The following CORO7 variants were observed in gnomAD, a reference collection of about 807,000 sequenced individuals.
CORO7 encodes coronin-7.
In CORO7, 107 loss-of-function variants were observed where a neutral mutation model predicts 126.6. The ratio of observed to expected loss-of-function variants is 0.85; its 90% confidence interval spans 0.72 to 0.99. CORO7 has a LOEUF of 0.99. CORO7 is among the 50% of genes least tolerant of loss of function. The pLI, the probability that CORO7 is intolerant of heterozygous loss-of-function variation, is 0.00. For synonymous variants in CORO7, 603 were observed against 536.8 expected, an observed-to-expected ratio of 1.12 and a Z score of -1.70; for missense variants, 1,314 against 1,255.8, an observed-to-expected ratio of 1.05 and a Z score of -0.70.
chr16:4,381,047 T>C, intron 9 of CORO7: 2 of 1,610,630 alleles, frequency 1.2e-6, no homozygotes, highest in Non-Finnish European at 1.7e-6. Context: ...ACGGTGGGGC[T>C]GTACGTCTTT....
intron 19 of CORO7, 85 bp from the exon 20 acceptor site, chr16:4,360,633 T>G: frequency 6.7e-7 from 1 of 1,486,544 alleles, no homozygotes; most frequent in Non-Finnish European, 9.0e-7. Flanking sequence ...TCCTCACTGC[T>G]GGCGCCGCCC....
intron 3 of CORO7, among the ~76,000 whole-genome samples, chr16:4,410,620 G>A (rs1322952113): frequency 1.3e-5 from 2 of 152,198 alleles, no homozygotes; most frequent in African/African-American, 4.8e-5. Context: ...CCACACACAT[G>A]TATCTCTAAA....
Position 4,357,009 on chromosome 16 carries a change from G to C in CORO7, c.2685+159C>G, listed in dbSNP as rs945489464. The C allele has an allele frequency of 3.9e-6, 4 of 1,015,240 alleles. No homozygotes were observed. The African/African-American group carries it at 6.4e-5, about 16-fold the overall frequency. 62.9% of individuals were successfully genotyped at this position (1,015,240 alleles called of 1,614,324 possible). A position where few individuals can be genotyped will look rare whatever the true frequency, so the allele number is the denominator to read the frequency against. On this transcript the variant is annotated intron_variant, in intron 26 of 27. Coordinates refer to ENST00000251166, the MANE Select transcript of CORO7 (RefSeq NM_024535.5). ...CACTTCCCGGGCCCCATGGTCAGTG[G>C]TAGGGCTCTGGAAGGTCTCCCCACC...
intron 3 of CORO7, among the ~76,000 whole-genome samples, chr16:4,410,635 C>T (rs2056169572): frequency 6.6e-6 from 1 of 152,206 alleles, no homozygotes; most frequent in East Asian, 1.9e-4. Flanking sequence ...TCTAAAACAA[C>T]ATGCTACGTG....
chr16:4,368,067 C>T (rs9940299), intron 9 of CORO7, among the ~76,000 whole-genome samples: 1,840 of 152,144 alleles, frequency 0.012, 37 homozygotes, highest in African/African-American at 0.042. Context: ...AAAAAATTAG[C>T]GAGGTATGCT....
chr16:4,357,342 CTTTTCTTTCTTTCTT>C lies in CORO7; in HGVS notation c.2594-98_2594-84del. 7 of 967,862 alleles carry C rather than the reference CTTTTCTTTCTTTCTT, an allele frequency of 7.2e-6. No individual in the cohort carries two copies. The South Asian group carries it at 1.3e-4, about 18-fold the overall frequency. 60.0% of individuals were successfully genotyped at this position (967,862 alleles called of 1,614,324 possible). On this transcript the variant is annotated intron_variant, in intron 25 of 27. Transcript: ENST00000251166. ...CAAGCCCTCGGGGATTTCTTTCTTT[CTTTTCTTTCTTTCTT>C]TTTTTTTTTTTTTTTTTGAGATGGA...
rs950984350 is a variant in CORO7, at chr16:4,394,789, T to C, written c.615+500A>G. 2.6e-5 allele frequency among the ~76,000 whole-genome samples: 4 copies of C among 152,342 alleles called. No homozygotes were observed. In the South Asian group the frequency reaches 6.2e-4, roughly 24 times the overall value. ...TCCCAGTGGCTGGATGCCTGCAGCA[T>C]GAGCCAGGTCCCAGCTTCCCCGCTT... On this transcript the variant is annotated intron_variant, in intron 7 of 27. Coordinates refer to ENST00000251166, the MANE Select transcript of CORO7 (RefSeq NM_024535.5).
At chr16:4,371,234 C>T (rs1385588661) in intron 9 of CORO7, among the ~76,000 whole-genome samples, 1 of 152,204 alleles carries the variant, frequency 6.6e-6, no homozygotes, top group East Asian at 1.9e-4. Context: ...CAGGGCTGCT[C>T]ACAACTCTTA....
chr16:4,388,155 G>A, intron 8 of CORO7, 87 bp from the exon 9 acceptor site: 2 of 1,514,892 alleles, frequency 1.3e-6, no homozygotes, highest in Non-Finnish European at 1.8e-6. Context: ...GCCTGAGGGT[G>A]CAGCCTGACA....
chr16:4,355,017 G>T lies in CORO7; in HGVS notation c.*141C>A, dbSNP rs118010193. On this transcript the variant is annotated 3_prime_UTR_variant, in exon 28 of 28. Coordinates refer to ENST00000251166, the MANE Select transcript of CORO7 (RefSeq NM_024535.5). ...GGGAACTGCCAGAGGCCCAGAGGAT[G>T]TGGAAGTGCCCACGGGAAGGCAGGA... The T allele has an allele frequency of 1.1e-6, 1 of 905,586 alleles. No homozygotes were observed. The highest frequency in any genetic ancestry group is 2.8e-5 in the East Asian group (1 of 35,682). The allele number at this position is 905,586 out of a possible 1,614,324, so 56.1% of individuals were successfully genotyped here.
chr16:4,360,908 C>T (rs764215935), intron 19 of CORO7, 35 bp downstream of exon 19: 3 of 1,504,878 alleles, frequency 2.0e-6, no homozygotes, highest in Middle Eastern at 2.0e-4. Context: ...CCCCGCCTCT[C>T]CACACTGCTG....
chr16:4,362,972 C>T lies in CORO7; in HGVS notation c.1276-234G>A, dbSNP rs761121842. 242 of 408,538 alleles carry T rather than the reference C, an allele frequency of 5.9e-4. No individual in the cohort carries two copies. The highest frequency in any genetic ancestry group is 3.4e-4 in the Non-Finnish European group (80 of 236,680). 25.3% of individuals were successfully genotyped at this position (408,538 alleles called of 1,614,324 possible). ...TGGCAGCTGCTGGCTCCCAGCCCTG[C>T]AGGAGGGTGTGCCCAGTGGGTTAGA... On this transcript the variant is annotated intron_variant, in intron 14 of 27. Coordinates refer to ENST00000251166, the MANE Select transcript of CORO7 (RefSeq NM_024535.5). The surrounding 1 kb of genome is among the most constrained non-coding windows in gnomAD (Gnocchi z 5.3).
intron 9 of CORO7, among the ~76,000 whole-genome samples, chr16:4,368,747 CAAA>C (rs1283259505): frequency 5.3e-5 from 3 of 56,648 alleles, no homozygotes; most frequent in African/African-American, 1.3e-4. Context: ...GACTCCATCT[CAAA>C]AAAAAAAAAA....
intron 25 of CORO7, 31 bp downstream of exon 25, chr16:4,357,936 GC>G (rs780287127): frequency 6.4e-7 from 1 of 1,574,692 alleles, no homozygotes. Context: ...CCCCCATCCC[GC>G]TTCCTCCCCA....
chr16:4,360,270 G>A lies in CORO7; in HGVS notation c.2108+8C>T. ...GAAGCCTGGGGATGGGGATGCCTGA[G>A]TCCTCACCTGTCAAAGCCAGACACC... On this transcript the variant is annotated splice_region_variant and intron_variant, in intron 21 of 27. Transcript: ENST00000251166. 6.2e-7 allele frequency: 1 copy of A among 1,613,418 alleles called. No homozygotes were observed. The highest frequency in any genetic ancestry group is 8.5e-7 in the Non-Finnish European group (1 of 1,179,976).
At chr16:4,384,046 C>T (rs538568961) in intron 9 of CORO7, among the ~76,000 whole-genome samples, 4 of 152,228 alleles carry the variant, frequency 2.6e-5, no homozygotes, top group South Asian at 2.1e-4. Flanking sequence ...AGCAGGAAAT[C>T]CTGCTCCCTG....
chr16:4,377,224 C>CG (rs2054766969), intron 9 of CORO7, among the ~76,000 whole-genome samples: 2 of 152,122 alleles, frequency 1.3e-5, no homozygotes, highest in South Asian at 4.1e-4. Flanking sequence ...CACCCCCCGA[C>CG]GTCCCCGAAT....
Position 4,357,356 on chromosome 16 carries a change from T to C in CORO7, c.2594-97A>G, listed in dbSNP as rs1026714184. The C allele has an allele frequency of 2.7e-4, 27 of 99,380 alleles. No individual in the cohort carries two copies. In the South Asian group the frequency reaches 9.4e-3, roughly 35 times the overall value. 6.2% of individuals were successfully genotyped at this position (99,380 alleles called of 1,614,324 possible). A position where few individuals can be genotyped will look rare whatever the true frequency, so the allele number is the denominator to read the frequency against. On this transcript the variant is annotated intron_variant, in intron 25 of 27. Coordinates refer to ENST00000251166, the MANE Select transcript of CORO7 (RefSeq NM_024535.5). ...TTTCTTTCTTTCTTTTCTTTCTTTC[T>C]TTTTTTTTTTTTTTTTTTGAGATGG...
At chr16:4,390,205 A>G (rs1007175176) in intron 7 of CORO7, among the ~76,000 whole-genome samples, 4 of 152,070 alleles carry the variant, frequency 2.6e-5, no homozygotes, top group African/African-American at 9.7e-5. Context: ...GACCCAGGAG[A>G]GCCCCAGCCT....
Sources: allele counts gnomAD v4.1 joint callset (sites outside exome capture counted in the v4.1 genomes callset), GRCh38; gene constraint gnomAD v4.1.1; non-coding constraint Gnocchi (gnomAD v3.1); transcripts MANE v1.5; gene names NCBI Gene and HGNC (gene_info 2026-07-23, HGNC 2026-07-21).